MYO18B: variants seen among roughly 807,000 people sequenced by gnomAD.
MYO18B encodes the protein unconventional myosin-XVIIIb.
Under a neutral mutation model 273.0 loss-of-function variants are expected in MYO18B, and 204 were observed. That is an observed-to-expected ratio of 0.75 (90% CI 0.67 to 0.84). The LOEUF (loss-of-function observed/expected upper bound fraction) is 0.84, where lower values mean the gene tolerates loss of function less well. Ranked by LOEUF, MYO18B falls within the 40% of genes least tolerant of loss-of-function variation. MYO18B has a pLI of 0.00. For missense variants in MYO18B, 3,212 were observed against 3,287.6 expected, an observed-to-expected ratio of 0.98 and a Z score of 0.56; for synonymous variants, 1,330 against 1,305.7, an observed-to-expected ratio of 1.02 and a Z score of -0.40.
At chr22:26,001,795 AGAGGGTGAATCTGAATGCC>A (rs1329710067) in intron 40 of MYO18B, among the ~76,000 whole-genome samples, 4 of 152,082 alleles carry the variant, frequency 2.6e-5, no homozygotes, top group African/African-American at 9.7e-5. Flanking sequence ...GCCCTTTGGA[AGAGGGTGAATCTGAATGCC>A]GAGTCCACCC....
chr22:25,769,675 C>A (rs1434780925), intron 4 of MYO18B, among the ~76,000 whole-genome samples: 2 of 152,110 alleles, frequency 1.3e-5, no homozygotes, highest in African/African-American at 4.8e-5. Context: ...GAGGGAAGGT[C>A]CCCAAAGTGT....
Position 25,950,345 on chromosome 22 carries a change from A to ATT in MYO18B, c.5749-12_5749-11dup, listed in dbSNP as rs10600754. ...TGTGGACTCAGGGTGATATATATAC[A>ATT]TTTTTTTTTTTGTCTCACCAGTCTG... On this transcript the variant is annotated intron_variant, in intron 36 of 43. Transcript: ENST00000335473. 7.4e-4 allele frequency: 1,049 copies of ATT among 1,410,036 alleles called. 1 individual carries two copies. Among genetic ancestry groups the ATT allele is most frequent in the East Asian group, 1.5e-3 (55 of 37,384 alleles). 87.3% of individuals were successfully genotyped at this position (1,410,036 alleles called of 1,614,324 possible). A position where few individuals can be genotyped will look rare whatever the true frequency, so the allele number is the denominator to read the frequency against.
intron 11 of MYO18B, among the ~76,000 whole-genome samples, chr22:25,792,988 G>T (rs989475889): frequency 1.3e-5 from 2 of 152,182 alleles, no homozygotes; most frequent in African/African-American, 2.4e-5. Flanking sequence ...CCCCTTGAGG[G>T]CAGGGTCATA....
At chr22:25,923,490 ATGT>A (rs2092378024) in intron 34 of MYO18B, among the ~76,000 whole-genome samples, 1 of 152,220 alleles carries the variant, frequency 6.6e-6, no homozygotes, top group Non-Finnish European at 1.5e-5. Context: ...AGATGAGAAA[ATGT>A]TGTCCAGAGG....
At chr22:25,918,896 G>A (rs1396776587) in intron 33 of MYO18B, among the ~76,000 whole-genome samples, 1 of 152,220 alleles carries the variant, frequency 6.6e-6, no homozygotes, top group African/African-American at 2.4e-5. Context: ...AGTAGTTACA[G>A]ACTTACATCC....
intron 15 of MYO18B, among the ~76,000 whole-genome samples, chr22:25,830,400 A>G (rs1318155752): frequency 6.6e-6 from 1 of 152,184 alleles, no homozygotes; most frequent in African/African-American, 2.4e-5. Flanking sequence ...TGTTGCTCAC[A>G]AGTGTCTGGA....
chr22:26,022,753 T>C (rs1488410502), intron 42 of MYO18B, among the ~76,000 whole-genome samples: 1 of 152,190 alleles, frequency 6.6e-6, no homozygotes. Flanking sequence ...CTCAAGACAT[T>C]AGACCCCATG....
intron 12 of MYO18B, 124 bp from the exon 13 acceptor site, chr22:25,823,381 T>G: frequency 9.2e-7 from 1 of 1,091,954 alleles, no homozygotes; most frequent in Non-Finnish European, 1.3e-6. Flanking sequence ...TTGTCCAAGC[T>G]CCCGGCTGAG....
Position 26,027,337 on chromosome 22 carries a change from A to G in MYO18B, c.7363A>G (p.Thr2455Ala), listed in dbSNP as rs554980710. ...LPAIRKPQTPTSLAGSAKGGQ... is the reference protein window; with the variant it reads ...LPAIRKPQTPASLAGSAKGGQ... ...AGCTATCCGGAAGCCCCAGACACCT[A>G]CCTCCTTGGCTGGATCAGCCAAAGG... The change falls in exon 43 of 44, where the codon ACC becomes GCC. Residue 2455 changes from threonine to alanine, a missense_variant. Physicochemically the swap from Thr to Ala is moderately conservative, Grantham distance 58 (BLOSUM62 0). Coordinates refer to ENST00000335473, the MANE Select transcript of MYO18B (RefSeq NM_032608.7). The surrounding 1 kb of genome is among the most constrained non-coding windows in gnomAD (Gnocchi z 4.1). 7.6e-5 allele frequency: 122 copies of G among 1,613,706 alleles called. No individual in the cohort carries two copies. The South Asian group carries it at 8.3e-4, about 11-fold the overall frequency.
intron 28 of MYO18B, chr22:25,896,371 C>G (rs928860032): frequency 2.0e-5 from 3 of 152,156 alleles, no homozygotes; most frequent in Non-Finnish European, 4.4e-5. Context: ...TTCATTCCAA[C>G]TCTTCACCTT....
chr22:25,873,586 A>G (rs2091108311), intron 22 of MYO18B, among the ~76,000 whole-genome samples: 2 of 152,142 alleles, frequency 1.3e-5, no homozygotes, highest in African/African-American at 4.8e-5. Context: ...GATTACAGGC[A>G]TTCGCCACCA....
chr22:25,855,725 G>T (rs754282351), intron 21 of MYO18B, among the ~76,000 whole-genome samples: 25 of 152,212 alleles, frequency 1.6e-4, no homozygotes, highest in Non-Finnish European at 2.9e-4. Flanking sequence ...ATGTGCATGT[G>T]TCTTTATAAT....
Position 26,027,051 on chromosome 22 carries a change from G to T in MYO18B, c.7077G>T (p.Pro2359=). 1 of 1,613,954 alleles carries T rather than the reference G, an allele frequency of 6.2e-7. No individual in the cohort carries two copies. The highest frequency in any genetic ancestry group is 8.5e-7 in the Non-Finnish European group (1 of 1,179,892). The part of the protein sequence containing the change: ...SSCESLLESR[P]SMGRKLSSPT... ...GCGAGTCCCTCTTAGAATCCAGACCGAGCATGGGGAGAAAACTGAGCTCTC... is the reference window on the plus strand; with the variant it reads ...GCGAGTCCCTCTTAGAATCCAGACCTAGCATGGGGAGAAAACTGAGCTCTC... Residue 2359 remains proline, a synonymous_variant, in exon 43 of 44, where the codon CCG becomes CCT. Transcript: ENST00000335473. This position sits in a 1 kb window ranked among gnomAD's most constrained non-coding sequence, Gnocchi z 4.1.
chr22:25,821,688 A>G (rs2089287679), intron 12 of MYO18B, among the ~76,000 whole-genome samples: 1 of 152,092 alleles, frequency 6.6e-6, no homozygotes, highest in African/African-American at 2.4e-5. Context: ...GAGGCAGGAG[A>G]ATGGTGTGAA....
chr22:25,949,404 T>G (rs1273586229), intron 36 of MYO18B, among the ~76,000 whole-genome samples: 2 of 152,090 alleles, frequency 1.3e-5, no homozygotes, highest in Non-Finnish European at 2.9e-5. Context: ...GAGGGCAGCA[T>G]GGGTGAAACA....
chr22:25,887,502 T>C (rs7292753), intron 25 of MYO18B, among the ~76,000 whole-genome samples: 2,005 of 152,326 alleles, frequency 0.013, 39 homozygotes, highest in African/African-American at 0.046. Flanking sequence ...ATATTTCTGT[T>C]GGTTTGGCCA....
At chr22:26,042,683 A>G in the MYO18B span, among the ~76,000 whole-genome samples, 277 of 152,336 alleles carry the variant, frequency 1.8e-3, 1 homozygote, top group African/African-American at 6.4e-3. Context: ...AGAAAGCCAG[A>G]AATTCATTTC....
intron 39 of MYO18B, among the ~76,000 whole-genome samples, chr22:25,974,002 G>A (rs1426823223): frequency 1.3e-5 from 2 of 152,226 alleles, no homozygotes; most frequent in African/African-American, 4.8e-5. Flanking sequence ...CTAGTCTTAG[G>A]ACGGTGAGGA....
At chr22:25,892,473 T>C (rs1007075483) in intron 27 of MYO18B, 5 of 152,204 alleles carry the variant, frequency 3.3e-5, no homozygotes, top group African/African-American at 1.2e-4. Flanking sequence ...GATGGCATGG[T>C]GACATCTTTG....
Sources: allele counts gnomAD v4.1 joint callset (sites outside exome capture counted in the v4.1 genomes callset), GRCh38; gene constraint gnomAD v4.1.1; non-coding constraint Gnocchi (gnomAD v3.1); transcripts MANE v1.5; gene names NCBI Gene and HGNC (gene_info 2026-07-23, HGNC 2026-07-21).